The following IL1RAPL2 variants were observed in gnomAD, a reference collection of about 807,000 sequenced individuals.
IL1RAPL2 encodes the protein interleukin 1 receptor accessory protein like 2.
Under a neutral mutation model 44.1 loss-of-function variants are expected in IL1RAPL2, and 3 were observed. That is an observed-to-expected ratio of 0.07 (90% CI 0.03 to 0.18). The LOEUF (loss-of-function observed/expected upper bound fraction) is 0.18. Ranked by LOEUF, IL1RAPL2 falls within the 10% of genes least tolerant of loss-of-function variation. The probability of loss-of-function intolerance (pLI) is 1.00; values close to 1 mark genes in which losing one functional copy is unlikely to be tolerated. For synonymous variants in IL1RAPL2, 181 were observed against 178.8 expected (o/e 1.01, Z -0.10); for missense variants, 391 against 496.4 (o/e 0.79, Z 2.02).
Position 105,766,265 on chromosome X carries a change from G to A in IL1RAPL2, c.1364-699G>A, listed in dbSNP as rs2038728720. On this transcript the variant is annotated intron_variant, in intron 10 of 10. Coordinates refer to ENST00000372582, the MANE Select transcript of IL1RAPL2 (RefSeq NM_017416.2). ...CGACTCTACTCTTCACTCTTCCTTG[G>A]AACAAAAGCAGCCAGTTCCAATTAA... Among the ~76,000 whole-genome samples, 3 of 111,610 alleles carry A rather than the reference G, an allele frequency of 2.7e-5. No individual in the cohort carries two copies. In the South Asian group the frequency reaches 1.1e-3, roughly 42 times the overall value.
At chrX:105,269,237 T>G (rs1485198993) in intron 5 of IL1RAPL2, among the ~76,000 whole-genome samples, 2 of 110,709 alleles carry the variant, frequency 1.8e-5, no homozygotes, top group African/African-American at 6.5e-5. Flanking sequence ...ATGACCTTTT[T>G]GAGATAGTGT....
intron 2 of IL1RAPL2, among the ~76,000 whole-genome samples, chrX:104,852,754 C>T (rs191476209): frequency 3.9e-3 from 442 of 112,030 alleles, no homozygotes; most frequent in African/African-American, 0.014. Context: ...CGAATTACAT[C>T]ACTGATTGTC....
chrX:105,076,630 G>A (rs1375927063), intron 2 of IL1RAPL2, among the ~76,000 whole-genome samples: 1 of 111,229 alleles, frequency 9.0e-6, no homozygotes, highest in Non-Finnish European at 1.9e-5. Flanking sequence ...TCTGTCTAAT[G>A]TTGACAGTGG....
intron 8 of IL1RAPL2, 118 bp downstream of exon 8, chrX:105,740,809 T>G (rs1211270862): frequency 3.0e-6 from 2 of 666,544 alleles, no homozygotes; most frequent in Non-Finnish European, 4.4e-6. Flanking sequence ...CCATTTTGTC[T>G]TTTCAAGGAA....
At chrX:105,046,108 C>G (rs2031833721) in intron 2 of IL1RAPL2, among the ~76,000 whole-genome samples, 1 of 111,309 alleles carries the variant, frequency 9.0e-6, no homozygotes, top group Non-Finnish European at 1.9e-5. Flanking sequence ...ATGAAGTGCT[C>G]AAGCTACTCA....
intron 5 of IL1RAPL2, among the ~76,000 whole-genome samples, chrX:105,412,306 GT>G (rs1737134853): frequency 1.1e-5 from 1 of 93,178 alleles, no homozygotes; most frequent in Non-Finnish European, 2.2e-5. Context: ...GAAAAATGTA[GT>G]ATATATATAT....
At chrX:104,888,497 C>A (rs1227400182) in intron 2 of IL1RAPL2, among the ~76,000 whole-genome samples, 2 of 111,410 alleles carry the variant, frequency 1.8e-5, no homozygotes, top group African/African-American at 6.5e-5. Context: ...ATCTCATCTT[C>A]CAGAGCACCA....
rs35940205 is a variant in IL1RAPL2, at chrX:104,592,145, ATGTGTGTGTGTGTGTGTGTGTGTGTG to A, written c.-20+25118_-20+25143del. 2.2e-3 allele frequency among the ~76,000 whole-genome samples: 134 copies of A among 60,216 alleles called. 1 individual carries two copies. Among genetic ancestry groups the A allele is most frequent in the Non-Finnish European group, 2.8e-3 (90 of 32,561 alleles). 52.3% of individuals were successfully genotyped at this position (60,216 alleles called of 115,157 possible). A position where few individuals can be genotyped will look rare whatever the true frequency, so the allele number is the denominator to read the frequency against. On this transcript the variant is annotated intron_variant, in intron 1 of 10. Transcript: ENST00000372582. Reference sequence around the variant, plus strand: ...ATATGATTTTTTTTAATGCCCGTATATGTGTGTGTGTGTGTGTGTGTGTGTGTGTGTGTGTGTGTGTGTGTGTGTTA... The same window carrying A: ...ATATGATTTTTTTTAATGCCCGTATATGTGTGTGTGTGTGTGTGTGTGTTA...
intron 2 of IL1RAPL2, among the ~76,000 whole-genome samples, chrX:104,866,976 C>G (rs1192662749): frequency 9.0e-6 from 1 of 110,643 alleles, no homozygotes; most frequent in Non-Finnish European, 1.9e-5. Flanking sequence ...CAAGAAGATT[C>G]TAGAAGCCAA....
intron 6 of IL1RAPL2, among the ~76,000 whole-genome samples, chrX:105,566,054 G>A (rs1271330685): frequency 9.0e-6 from 1 of 111,087 alleles, no homozygotes; most frequent in Non-Finnish European, 1.9e-5. Context: ...TGGAGGGAGG[G>A]GGAGCTAGTA....
At chrX:105,048,039 G>A (rs1342088254) in intron 2 of IL1RAPL2, among the ~76,000 whole-genome samples, 2 of 111,480 alleles carry the variant, frequency 1.8e-5, no homozygotes, top group Non-Finnish European at 3.8e-5. Context: ...TGAGACCAGT[G>A]CGAATGCAGA....
At chrX:104,617,911 A>T (rs1272560655) in intron 1 of IL1RAPL2, among the ~76,000 whole-genome samples, 1 of 111,699 alleles carries the variant, frequency 9.0e-6, no homozygotes. Context: ...ATGTCACTAC[A>T]TTCAGATTTT....
chrX:104,762,485 G>A (rs755020481), intron 2 of IL1RAPL2, among the ~76,000 whole-genome samples: 2 of 111,768 alleles, frequency 1.8e-5, no homozygotes, highest in South Asian at 7.6e-4. Context: ...CCAGACCTAC[G>A]GTGCAAGCTG....
At chrX:105,548,269 T>TTA (rs755851378) in intron 6 of IL1RAPL2, among the ~76,000 whole-genome samples, 3,045 of 110,438 alleles carry the variant, frequency 0.028, 126 homozygotes, top group African/African-American at 0.095. Context: ...TATATTGAAA[T>TTA]TATATATATA....
intron 3 of IL1RAPL2, among the ~76,000 whole-genome samples, chrX:105,230,234 G>C (rs2034055895): frequency 9.0e-6 from 1 of 110,716 alleles, no homozygotes; most frequent in Admixed American, 9.7e-5. Flanking sequence ...ACTTCTTTTT[G>C]TGCCTAAGTC....
At chrX:105,764,799 C>T (rs1034057226) in intron 10 of IL1RAPL2, among the ~76,000 whole-genome samples, 3 of 110,523 alleles carry the variant, frequency 2.7e-5, no homozygotes, top group Non-Finnish European at 3.8e-5. Context: ...CAGCAAGACT[C>T]TATCTCAAAA....
intron 2 of IL1RAPL2, among the ~76,000 whole-genome samples, chrX:104,667,997 G>T (rs1930516331): frequency 1.8e-5 from 2 of 111,352 alleles, no homozygotes; most frequent in African/African-American, 6.5e-5. Flanking sequence ...GACTGGATTG[G>T]GAATAGTGAC....
rs2033670718 is a variant in IL1RAPL2 at position 105,196,144 on chromosome X, T to C, written c.356+396T>C. Reference sequence around the variant, plus strand: ...TAAAAATACAAAAATTAGCCAGGCATGGTGGCAGGTGCCTGTAGTCCTAGC... The same window carrying C: ...TAAAAATACAAAAATTAGCCAGGCACGGTGGCAGGTGCCTGTAGTCCTAGC... On this transcript the variant is annotated intron_variant, in intron 3 of 10. Coordinates refer to ENST00000372582, the MANE Select transcript of IL1RAPL2 (RefSeq NM_017416.2). Among the ~76,000 whole-genome samples, 3 of 110,201 alleles carry C rather than the reference T, an allele frequency of 2.7e-5. No individual in the cohort carries two copies. The Admixed American group carries it at 2.9e-4, about 11-fold the overall frequency.
intron 2 of IL1RAPL2, among the ~76,000 whole-genome samples, chrX:105,183,246 G>T (rs73529923): frequency 9.0e-6 from 1 of 110,794 alleles, no homozygotes; most frequent in Non-Finnish European, 1.9e-5. Context: ...GGGAGTAGGC[G>T]GGGGGGCAAT....
Sources: allele counts gnomAD v4.1 joint callset (sites outside exome capture counted in the v4.1 genomes callset), GRCh38; gene constraint gnomAD v4.1.1; transcripts MANE v1.5; gene names NCBI Gene and HGNC (gene_info 2026-07-23, HGNC 2026-07-21).